ARHGAP42: variants seen among roughly 807,000 people sequenced by gnomAD.
ARHGAP42 encodes the protein Rho GTPase activating protein 42.
In ARHGAP42, 63 loss-of-function variants were observed where a neutral mutation model predicts 125.0. The observed-to-expected ratio is 0.50, with a 90% confidence interval of 0.41 to 0.62. The LOEUF is 0.62. Among genes scored for constraint, ARHGAP42 ranks in the 20% least tolerant of loss-of-function variants. The pLI, the probability that ARHGAP42 is intolerant of heterozygous loss-of-function variation, is 0.00. For missense variants in ARHGAP42, 766 were observed against 1,024.2 expected (o/e 0.75, Z 3.44); for synonymous variants, 339 against 351.0 (o/e 0.97, Z 0.38).
At chr11:100,778,883 C>A (rs564178222) in intron 2 of ARHGAP42, among the ~76,000 whole-genome samples, 1 of 152,192 alleles carries the variant, frequency 6.6e-6, no homozygotes, top group South Asian at 2.1e-4. Flanking sequence ...AAACCTCATT[C>A]TTTTTTTGTG....
intron 4 of ARHGAP42, among the ~76,000 whole-genome samples, chr11:100,908,466 G>T (rs1214802640): frequency 2.0e-5 from 3 of 152,042 alleles, no homozygotes; most frequent in Non-Finnish European, 4.4e-5. Flanking sequence ...CCATTTTTTA[G>T]CTCTGACTTA....
intron 1 of ARHGAP42, among the ~76,000 whole-genome samples, chr11:100,745,674 T>C (rs186746671): frequency 1.8e-3 from 274 of 152,312 alleles, no homozygotes; most frequent in African/African-American, 5.8e-3. Context: ...AGGTACAACA[T>C]TGAGTTTTAA....
chr11:100,974,510 C>T lies in ARHGAP42; in HGVS notation c.1762C>T (p.Arg588Ter). 1.3e-6 allele frequency: 2 copies of T among 1,550,650 alleles called. No individual in the cohort carries two copies. The highest frequency in any genetic ancestry group is 1.7e-6 in the Non-Finnish European group (2 of 1,146,652). ...PSIPLPQPQS[R>*]SGSRRTRAIC... ...CATTCCTCTTCCTCAGCCTCAGTCT[C>T]GATCTGGATCCCGAAGGACACGAGC... Residue 588 changes from arginine (R) to a stop codon, truncating the protein, a stop_gained, in exon 19 of 24, where the codon CGA (arginine) becomes TGA (stop). Transcript: ENST00000298815. LOFTEE classifies it high-confidence loss of function.
chr11:100,865,732 A>T (rs182497210), intron 4 of ARHGAP42, among the ~76,000 whole-genome samples: 267 of 152,374 alleles, frequency 1.8e-3, no homozygotes, highest in African/African-American at 6.1e-3. Flanking sequence ...TTATGTCAAC[A>T]AATCAATGTA....
chr11:100,700,473 C>T (rs1365173466), intron 1 of ARHGAP42, among the ~76,000 whole-genome samples: 2 of 152,204 alleles, frequency 1.3e-5, no homozygotes, highest in Non-Finnish European at 2.9e-5. Context: ...CATAGTAGAA[C>T]TTCTTTCAAA....
intron 9 of ARHGAP42, among the ~76,000 whole-genome samples, 159 bp downstream of exon 9, chr11:100,942,043 C>T (rs1009737117): frequency 6.6e-6 from 1 of 152,186 alleles, no homozygotes. Flanking sequence ...ACGTGAATGA[C>T]TTGAAAAGAG....
intron 4 of ARHGAP42, among the ~76,000 whole-genome samples, chr11:100,879,166 G>C (rs530323868): frequency 6.6e-6 from 1 of 152,190 alleles, no homozygotes; most frequent in East Asian, 1.9e-4. Flanking sequence ...TGTCAAATCA[G>C]TATCTGCATT....
chr11:100,761,996 T>C (rs986097435), intron 1 of ARHGAP42, among the ~76,000 whole-genome samples: 3 of 152,194 alleles, frequency 2.0e-5, no homozygotes, highest in African/African-American at 7.2e-5. Context: ...GATCCCTGGA[T>C]TGGCATCCAT....
intron 1 of ARHGAP42, among the ~76,000 whole-genome samples, chr11:100,716,300 T>A (rs1001061483): frequency 6.6e-6 from 1 of 152,184 alleles, no homozygotes; most frequent in Non-Finnish European, 1.5e-5. Context: ...CCACTGCACA[T>A]TTTAAGACCT....
chr11:100,834,322 G>A (rs1295579404), intron 3 of ARHGAP42, among the ~76,000 whole-genome samples: 1 of 152,020 alleles, frequency 6.6e-6, no homozygotes, highest in Non-Finnish European at 1.5e-5. Flanking sequence ...TCTTTTATGG[G>A]TCATTTCTGA....
intron 4 of ARHGAP42, among the ~76,000 whole-genome samples, chr11:100,886,363 T>C (rs746395095): frequency 6.6e-6 from 1 of 152,242 alleles, no homozygotes; most frequent in South Asian, 2.1e-4. Context: ...AAGGGGCTAA[T>C]TAACCATCTG....
intron 1 of ARHGAP42, among the ~76,000 whole-genome samples, chr11:100,702,576 A>AC (rs1339530977): frequency 2.0e-5 from 3 of 151,786 alleles, no homozygotes; most frequent in Admixed American, 6.6e-5. Context: ...TAAAAAAAAA[A>AC]AAAACTGCAA....
intron 4 of ARHGAP42, among the ~76,000 whole-genome samples, chr11:100,905,792 C>T (rs896721695): frequency 4.2e-5 from 6 of 143,372 alleles, no homozygotes; most frequent in African/African-American, 1.1e-4. Context: ...GCCTGGCCAA[C>T]GTAGCAAAAC....
intron 1 of ARHGAP42, among the ~76,000 whole-genome samples, chr11:100,751,904 C>T (rs190676122): frequency 5.3e-5 from 8 of 151,430 alleles, no homozygotes; most frequent in Middle Eastern, 3.4e-3. Context: ...CTCACCCTCC[C>T]GAGTAGCTGG....
intron 1 of ARHGAP42, among the ~76,000 whole-genome samples, chr11:100,725,435 C>T (rs941673080): frequency 6.6e-6 from 1 of 151,758 alleles, no homozygotes; most frequent in African/African-American, 2.4e-5. Flanking sequence ...TTCCAAAGTG[C>T]TGGGATTACA....
At chr11:100,952,012 T>C (rs1857667053) in intron 12 of ARHGAP42, among the ~76,000 whole-genome samples, 1 of 152,192 alleles carries the variant, frequency 6.6e-6, no homozygotes, top group East Asian at 1.9e-4. Flanking sequence ...CAAGGGAAGA[T>C]TTTTGGTTAC....
intron 4 of ARHGAP42, among the ~76,000 whole-genome samples, chr11:100,903,117 G>GCA (rs1555021069): frequency 0.082 from 10,831 of 131,924 alleles, 541 homozygotes; most frequent in Non-Finnish European, 0.1. Flanking sequence ...TCCAAGATGC[G>GCA]CACACACACA....
intron 3 of ARHGAP42, among the ~76,000 whole-genome samples, chr11:100,830,811 C>T (rs1486519035): frequency 1.3e-5 from 2 of 152,052 alleles, no homozygotes; most frequent in Non-Finnish European, 2.9e-5. Context: ...AATTTGTCAG[C>T]TCGGGCAAGG....
intron 12 of ARHGAP42, among the ~76,000 whole-genome samples, chr11:100,954,023 A>G (rs1857736084): frequency 2.2e-5 from 1 of 45,438 alleles, no homozygotes; most frequent in Non-Finnish European, 4.7e-5. Flanking sequence ...ATTACATTTT[A>G]TGACATACCT....
Sources: gnomAD v4.1 joint callset for allele counts (sites outside exome capture counted in the v4.1 genomes callset) on GRCh38, gnomAD v4.1.1 for gene constraint, MANE v1.5 for transcripts, NCBI Gene and HGNC (gene_info 2026-07-23, HGNC 2026-07-21) for gene names.